TRA2A: variants seen among roughly 807,000 people sequenced by gnomAD.
The protein encoded by TRA2A is transformer-2 protein homolog alpha.
Under a neutral mutation model 45.7 loss-of-function variants are expected in TRA2A, and 31 were observed. That is an observed-to-expected ratio of 0.68 (90% confidence interval 0.51 to 0.92). The LOEUF is 0.92. Among genes scored for constraint, TRA2A ranks in the 40% least tolerant of loss-of-function variants. The pLI is 0.00. For missense variants in TRA2A, 304 were observed against 367.5 expected, an observed-to-expected ratio of 0.83 and a Z score of 1.41; for synonymous variants, 132 against 126.2, an observed-to-expected ratio of 1.05 and a Z score of -0.31.
chr7:23,528,479 T>C (rs2128001054), intron 1 of TRA2A, among the ~76,000 whole-genome samples: 1 of 152,290 alleles, frequency 6.6e-6, no homozygotes, highest in African/African-American at 2.4e-5. Context: ...GCGCTGGGAT[T>C]ACAGGCGTGA....
At chr7:23,513,688 T>C (rs1048551146) in intron 3 of TRA2A, among the ~76,000 whole-genome samples, 4 of 151,962 alleles carry the variant, frequency 2.6e-5, no homozygotes, top group African/African-American at 9.7e-5. Context: ...TTATTTTCTG[T>C]AGAAAGGGTA....
intron 7 of TRA2A, 82 bp from the exon 8 acceptor site, chr7:23,505,651 T>C: frequency 1.3e-6 from 1 of 760,204 alleles, no homozygotes; most frequent in Non-Finnish European, 2.2e-6. Context: ...TTTCCAACTA[T>C]TAACTGCCAC....
At chr7:23,522,472 G>C (rs1790170593) in intron 1 of TRA2A, 1 of 1,032,212 alleles carries the variant, frequency 9.7e-7, no homozygotes, top group South Asian at 2.0e-5. Context: ...TAAGCACGTG[G>C]GGATTATAAA....
At chr7:23,531,491 G>A in intron 1 of TRA2A, 2 of 500,822 alleles carry the variant, frequency 4.0e-6, no homozygotes, top group Non-Finnish European at 3.5e-6. Flanking sequence ...CCTCGGAGCA[G>A]ACATAAGGAA....
chr7:23,510,232 C>A (rs1261837375), intron 4 of TRA2A, among the ~76,000 whole-genome samples: 1 of 152,178 alleles, frequency 6.6e-6, no homozygotes, highest in Non-Finnish European at 1.5e-5. Context: ...CACCCCGCTC[C>A]TTAAGTAACA....
intron 5 of TRA2A, 86 bp downstream of exon 5, chr7:23,507,334 A>C (rs772519222): frequency 9.6e-7 from 1 of 1,043,976 alleles, no homozygotes; most frequent in Non-Finnish European, 1.5e-6. Context: ...AATTCTAATT[A>C]TAGGAAAAAA....
chr7:23,531,942 C>A lies in TRA2A; in HGVS notation c.-118G>T, dbSNP rs531565382. 3 of 1,046,400 alleles carry A rather than the reference C, an allele frequency of 2.9e-6. No individual in the cohort carries two copies. The highest frequency in any genetic ancestry group is 4.3e-6 in the Non-Finnish European group (3 of 701,726). 64.8% of individuals were successfully genotyped at this position (1,046,400 alleles called of 1,614,324 possible). On this transcript the variant is annotated 5_prime_UTR_variant, in exon 1 of 8. Transcript: ENST00000297071. ...AGGAAAGAGTCGGCAACCACAGCCG[C>A]TCCACTCCACTCCCACTCGGTCGCA...
chr7:23,519,211 A>G (rs1371536477), intron 2 of TRA2A, among the ~76,000 whole-genome samples: 2 of 151,990 alleles, frequency 1.3e-5, no homozygotes, highest in Non-Finnish European at 2.9e-5. Flanking sequence ...GGCTAACATG[A>G]TAAAACCCCG....
intron 4 of TRA2A, among the ~76,000 whole-genome samples, chr7:23,508,344 TGTG>T (rs1347114054): frequency 6.7e-6 from 1 of 149,772 alleles, no homozygotes. Flanking sequence ...CATAGTTCAC[TGTG>T]GCCTCAAACT....
chr7:23,526,211 T>C (rs1166938917), intron 1 of TRA2A, among the ~76,000 whole-genome samples: 1 of 152,138 alleles, frequency 6.6e-6, no homozygotes, highest in East Asian at 1.9e-4. Context: ...TGTCATACTA[T>C]AAAAAGAAAT....
intron 5 of TRA2A, chr7:23,506,611 T>C (rs1439908984): frequency 8.5e-6 from 2 of 235,148 alleles, no homozygotes; most frequent in Middle Eastern, 1.4e-3. Flanking sequence ...ATGAGACTGG[T>C]AAATAAATAA....
In TRA2A at chr7:23,512,957, C is replaced by T; in HGVS notation, c.462G>A (p.Gln154=). ...CAAATCCTCGAGATCGCCCAGTTCG[C>T]TGATCATAAACCACATTGACACCAC... The part of the protein sequence containing the change: ...PLSGVNVVYD[Q]RTGRSRGFAF... Residue 154 remains glutamine (Q), a synonymous_variant, in exon 4 of 8, where the codon CAG becomes CAA. Transcript: ENST00000297071. 1 of 1,614,016 alleles carries T rather than the reference C, an allele frequency of 6.2e-7. No homozygotes were observed. The highest frequency in any genetic ancestry group is 8.5e-7 in the Non-Finnish European group (1 of 1,180,006).
Position 23,505,277 on chromosome 7 carries a change from G to A in TRA2A, c.*282C>T. 3 of 346,758 alleles carry A rather than the reference G, an allele frequency of 8.7e-6. No homozygotes were observed. Among genetic ancestry groups the A allele is most frequent in the Non-Finnish European group, 1.5e-5 (3 of 195,224 alleles). The allele number at this position is 346,758 out of a possible 1,614,324, so 21.5% of individuals were successfully genotyped here. On this transcript the variant is annotated 3_prime_UTR_variant, in exon 8 of 8. Coordinates refer to ENST00000297071, the MANE Select transcript of TRA2A (RefSeq NM_013293.5). Reference sequence around the variant, plus strand: ...ATTTGATTAGCTAGAAGTTTATCTAGGTAAAAGCAAAAAAAAAAATTTACA... The same window carrying A: ...ATTTGATTAGCTAGAAGTTTATCTAAGTAAAAGCAAAAAAAAAAATTTACA...
Position 23,531,837 on chromosome 7 carries a change from C to T in TRA2A, c.-13G>A. ...CCACATCACTCATGTCGACGAGGCGCTCCCCAGAACTAAATAAGAGACAAG... is the reference window on the plus strand; with the variant it reads ...CCACATCACTCATGTCGACGAGGCGTTCCCCAGAACTAAATAAGAGACAAG... On this transcript the variant is annotated 5_prime_UTR_variant, in exon 1 of 8. Coordinates refer to ENST00000297071, the MANE Select transcript of TRA2A (RefSeq NM_013293.5). 1 of 1,613,714 alleles carries T rather than the reference C, an allele frequency of 6.2e-7. No homozygotes were observed. The highest frequency in any genetic ancestry group is 1.3e-5 in the African/African-American group (1 of 75,078).
rs543522575 is a variant in TRA2A, at chr7:23,527,652, A to G, written c.36+4137T>C. Reference sequence around the variant, plus strand: ...TTGGTTGATTTACAAAATTAAGCCCACAGACAAAGTGTTTTCCAAACCACA... The same window carrying G: ...TTGGTTGATTTACAAAATTAAGCCCGCAGACAAAGTGTTTTCCAAACCACA... On this transcript the variant is annotated intron_variant, in intron 1 of 7. Transcript: ENST00000297071. 5.6e-4 allele frequency among the ~76,000 whole-genome samples: 85 copies of G among 152,338 alleles called. 1 individual carries two copies. The highest frequency in any genetic ancestry group is 1.1e-3 in the Non-Finnish European group (73 of 68,026).
intron 1 of TRA2A, among the ~76,000 whole-genome samples, chr7:23,528,287 C>A (rs914000258): frequency 6.6e-6 from 1 of 152,144 alleles, no homozygotes; most frequent in African/African-American, 2.4e-5. Flanking sequence ...CGGCTCACTG[C>A]AACCTCCGCC....
chr7:23,530,840 A>C (rs1457933023), intron 1 of TRA2A, among the ~76,000 whole-genome samples: 1 of 152,164 alleles, frequency 6.6e-6, no homozygotes, highest in Non-Finnish European at 1.5e-5. Flanking sequence ...AACAGTATAT[A>C]CTGACTAGTT....
Position 23,521,756 on chromosome 7 carries a change from T to C in TRA2A, c.121A>G (p.Arg41Gly), listed in dbSNP as rs1159433806. ...TGGGATTCAGAGTGTTTGGAAACCC[T>C]TGATGGACTACGAGATCCTGACCTG... is the stretch of plus-strand genomic sequence containing the variant. ...ESRSGSRSPS[R>G]VSKHSESHSR... The change falls in exon 2 of 8, where the codon AGG (arginine) becomes GGG (glycine). Residue 41 changes from arginine to glycine, a missense_variant. By Grantham distance (125) the Arg-to-Gly change is moderately radical. Transcript: ENST00000297071. 2.1e-5 allele frequency: 34 copies of C among 1,614,176 alleles called. No homozygotes were observed. The highest frequency in any genetic ancestry group is 2.8e-5 in the Non-Finnish European group (33 of 1,180,010).
chr7:23,531,629 T>G, intron 1 of TRA2A, 160 bp downstream of exon 1: 2 of 706,932 alleles, frequency 2.8e-6, no homozygotes, highest in South Asian at 1.8e-5. Flanking sequence ...GGGGAAGGAG[T>G]GGAACCCAGA....
Sources: gnomAD v4.1 joint callset for allele counts (sites outside exome capture counted in the v4.1 genomes callset) on GRCh38, gnomAD v4.1.1 for gene constraint, MANE v1.5 for transcripts, NCBI Gene and HGNC (gene_info 2026-07-23, HGNC 2026-07-21) for gene names.